COL27A1: variants seen among roughly 807,000 people sequenced by gnomAD.
COL27A1 encodes the protein collagen type XXVII alpha 1 chain.
In COL27A1, 106 loss-of-function variants were observed where a neutral mutation model predicts 251.3. The observed-to-expected ratio is 0.42, with a 90% CI of 0.36 to 0.50. COL27A1 has a LOEUF of 0.50. Among genes scored for constraint, COL27A1 ranks in the 20% least tolerant of loss-of-function variants. The probability of loss-of-function intolerance (pLI) is 0.00; values close to 1 mark genes in which losing one functional copy is unlikely to be tolerated. For missense variants in COL27A1, 2,325 were observed against 2,522.8 expected, an observed-to-expected ratio of 0.92 and a Z score of 1.68; for synonymous variants, 1,000 against 986.3, an observed-to-expected ratio of 1.01 and a Z score of -0.26.
chr9:114,239,586 T>C (rs1354699224), intron 19 of COL27A1, among the ~76,000 whole-genome samples: 1 of 151,990 alleles, frequency 6.6e-6, no homozygotes, highest in African/African-American at 2.4e-5. Context: ...AGCACGAGGA[T>C]ATTGCAGGGA....
rs116910921 is a variant in COL27A1, at chr9:114,302,881, C to T, written c.4872+773C>T. Among the ~76,000 whole-genome samples, 283 of 152,226 alleles carry T rather than the reference C, an allele frequency of 1.9e-3. 4 individuals carry two copies. The highest frequency in any genetic ancestry group is 9.0e-4 in the Non-Finnish European group (61 of 68,008). ...ATTGTACTATTGCACGGTGGCTACA[C>T]GACTATTACCATCAGGCCCCAACAG... is the stretch of plus-strand genomic sequence containing the variant. On this transcript the variant is annotated intron_variant, in intron 56 of 60. Coordinates refer to ENST00000356083, the MANE Select transcript of COL27A1 (RefSeq NM_032888.4).
rs750987346 is a variant in COL27A1, at chr9:114,289,283, G to A, written c.4194G>A (p.Ser1398=). ...GGGGGTGGCCGGGACCCAAAGGATCGAAAGGCGCAGAGGTAAGAGGGCCGG... is the reference window on the plus strand; with the variant it reads ...GGGGGTGGCCGGGACCCAAAGGATCAAAAGGCGCAGAGGTAAGAGGGCCGG... The part of the protein sequence containing the change: ...GPRGWPGPKG[S]KGAEGPKGKQ... Residue 1398 remains serine, a synonymous_variant, in exon 45 of 61, where the codon TCG becomes TCA. Coordinates refer to ENST00000356083, the MANE Select transcript of COL27A1 (RefSeq NM_032888.4). 4.4e-6 allele frequency: 7 copies of A among 1,592,186 alleles called. No homozygotes were observed. The highest frequency in any genetic ancestry group is 2.7e-5 in the African/African-American group (2 of 74,328).
chr9:114,282,421 G>T (rs776991285), intron 38 of COL27A1, 36 bp from the exon 39 acceptor site: 2 of 1,605,608 alleles, frequency 1.2e-6, no homozygotes, highest in African/African-American at 1.3e-5. Context: ...CCGTCCTGTT[G>T]GGCCTGGTGA....
chr9:114,274,575 C>T (rs900583779), intron 36 of COL27A1, among the ~76,000 whole-genome samples: 2 of 152,196 alleles, frequency 1.3e-5, no homozygotes, highest in Non-Finnish European at 1.5e-5. Flanking sequence ...TTAGCTCCAT[C>T]CACTCCCCAG....
At chr9:114,302,276 GAACGA>G (rs1828703286) in intron 56 of COL27A1, among the ~76,000 whole-genome samples, 168 bp downstream of exon 56, 1 of 152,240 alleles carries the variant, frequency 6.6e-6, no homozygotes, top group South Asian at 2.1e-4. Context: ...GGAAGCAACA[GAACGA>G]GCCCTGGGCC....
rs1849104864 is a variant in COL27A1 at position 114,168,964 on chromosome 9, A to C, written c.1409A>C (p.Lys470Thr). 5.0e-6 allele frequency: 8 copies of C among 1,614,090 alleles called. No individual in the cohort carries two copies. Among genetic ancestry groups the C allele is most frequent in the Non-Finnish European group, 5.9e-6 (7 of 1,180,016 alleles). Reference sequence around the variant, plus strand: ...GCCAAGATAACCAGCCATGCCAGTAAGCCGGCCTCTGCCCGCACCAGCACC... The same window carrying C: ...GCCAAGATAACCAGCCATGCCAGTACGCCGGCCTCTGCCCGCACCAGCACC... ...TEAKITSHAS[K>T]PASARTSTHK... The change falls in exon 3 of 61, where the codon AAG becomes ACG. Residue 470 changes from lysine (K) to threonine (T), a missense_variant. Physicochemically the swap from Lys to Thr is moderately conservative, Grantham distance 78. Transcript: ENST00000356083.
intron 41 of COL27A1, among the ~76,000 whole-genome samples, chr9:114,286,923 G>A (rs907985156): frequency 6.6e-6 from 1 of 152,152 alleles, no homozygotes; most frequent in African/African-American, 2.4e-5. Context: ...TTACTGTGCA[G>A]ATCGGATGAA....
intron 16 of COL27A1, among the ~76,000 whole-genome samples, chr9:114,232,351 G>A (rs1232725401): frequency 6.6e-6 from 1 of 152,194 alleles, no homozygotes; most frequent in Non-Finnish European, 1.5e-5. Context: ...CCCTTGCCAT[G>A]TATCCTCTGT....
At chr9:114,263,898 A>G (rs1371129974) in intron 28 of COL27A1, among the ~76,000 whole-genome samples, 1 of 152,200 alleles carries the variant, frequency 6.6e-6, no homozygotes, top group African/African-American at 2.4e-5. Context: ...AAGGACATGC[A>G]GGTTCTTCCC....
At chr9:114,264,866 T>C (rs1473414138) in intron 29 of COL27A1, 58 bp from the exon 30 acceptor site, 27 of 1,553,214 alleles carry the variant, frequency 1.7e-5, no homozygotes, top group Non-Finnish European at 2.3e-5. Flanking sequence ...GGGTCCCTTT[T>C]TGGGGAACGG....
At chr9:114,208,278 A>T (rs1429199540) in intron 10 of COL27A1, among the ~76,000 whole-genome samples, 1 of 152,086 alleles carries the variant, frequency 6.6e-6, no homozygotes, top group East Asian at 1.9e-4. Flanking sequence ...TCTCTACTAA[A>T]GTAACTACAA....
In COL27A1 at chr9:114,300,134, C is replaced by G; in HGVS notation, c.4638+11C>G. 6.2e-7 allele frequency: 1 copy of G among 1,613,556 alleles called. No individual in the cohort carries two copies. On this transcript the variant is annotated intron_variant, in intron 50 of 60. Coordinates refer to ENST00000356083, the MANE Select transcript of COL27A1 (RefSeq NM_032888.4). Reference sequence around the variant, plus strand: ...CTCTTCGGACCCAAGGTATGGACTCCCACGGCTCACTGTTCCTGTGGGGTC... The same window carrying G: ...CTCTTCGGACCCAAGGTATGGACTCGCACGGCTCACTGTTCCTGTGGGGTC...
At chr9:114,307,519 G>C in intron 58 of COL27A1, 150 bp from the exon 59 acceptor site, 1 of 643,924 alleles carries the variant, frequency 1.6e-6, no homozygotes, top group South Asian at 1.8e-5. Context: ...CTTCCATCTC[G>C]GTTGGAGGAA....
chr9:114,300,010 G>T (rs1199275534), intron 49 of COL27A1, 60 bp from the exon 50 acceptor site: 2 of 1,558,068 alleles, frequency 1.3e-6, no homozygotes, highest in Non-Finnish European at 1.8e-6. Flanking sequence ...GTCCCAGGTG[G>T]CTGGCGGGAC....
At chr9:114,214,598 A>G (rs1830592931) in intron 12 of COL27A1, among the ~76,000 whole-genome samples, 1 of 152,198 alleles carries the variant, frequency 6.6e-6, no homozygotes, top group Non-Finnish European at 1.5e-5. Context: ...TAGCCCAGGG[A>G]GGGCAAGACA....
rs761107441 is a variant in COL27A1, at chr9:114,290,393, C to G, written c.4368+62C>G. 7.1e-7 allele frequency: 1 copy of G among 1,411,088 alleles called. No individual in the cohort carries two copies. Among genetic ancestry groups the G allele is most frequent in the African/African-American group, 1.4e-5 (1 of 70,380 alleles). The allele number at this position is 1,411,088 out of a possible 1,614,324, so 87.4% of individuals were successfully genotyped here. ...TTTGGGACCAGGTGTAGGGGAACTTCCCCAGGCCATGGGCCAGAGGAGCCC... is the reference window on the plus strand; with the variant it reads ...TTTGGGACCAGGTGTAGGGGAACTTGCCCAGGCCATGGGCCAGAGGAGCCC... On this transcript the variant is annotated intron_variant, in intron 47 of 60. Transcript: ENST00000356083. The surrounding 1 kb of genome is among the most constrained non-coding windows in gnomAD (Gnocchi z 4.6).
rs745396604 is a variant in COL27A1, at chr9:114,206,265, C to G, written c.2237C>G (p.Pro746Arg). 2.5e-6 allele frequency: 4 copies of G among 1,614,150 alleles called. No individual in the cohort carries two copies. Among genetic ancestry groups the G allele is most frequent in the Admixed American group, 1.7e-5 (1 of 60,026 alleles). Residue 746 changes from proline to arginine, a missense_variant, in exon 10 of 61, where the codon CCG becomes CGG. By Grantham distance (103) the Pro-to-Arg change is moderately radical. This residue lies in a region of COL27A1 where 1,183 missense variants were observed against 1,144.1 expected (regional missense o/e 1.03). Coordinates refer to ENST00000356083, the MANE Select transcript of COL27A1 (RefSeq NM_032888.4). ...TTTGTGTTTCAGGGGTTACCTGGACCGGTAGGAGATCCCGGCCCCAAAGGC... is the reference window on the plus strand; with the variant it reads ...TTTGTGTTTCAGGGGTTACCTGGACGGGTAGGAGATCCCGGCCCCAAAGGC... ...GYPGRQGLPG[P>R]VGDPGPKGSR...
chr9:114,308,240 C>T (rs1279101448), intron 59 of COL27A1, among the ~76,000 whole-genome samples: 1 of 152,210 alleles, frequency 6.6e-6, no homozygotes, highest in Non-Finnish European at 1.5e-5. Flanking sequence ...CACTCAACAA[C>T]AAACCAAGGC....
intron 34 of COL27A1, among the ~76,000 whole-genome samples, chr9:114,268,235 C>T (rs1340578078): frequency 1.3e-5 from 2 of 151,952 alleles, no homozygotes; most frequent in South Asian, 2.1e-4. Flanking sequence ...CTCTGCCCTC[C>T]TCCTGTGCCC....
Sources: gnomAD v4.1 joint callset for allele counts (sites outside exome capture counted in the v4.1 genomes callset) on GRCh38, gnomAD v4.1.1 for gene constraint, gnomAD v4.1.1 regional missense constraint, Gnocchi (gnomAD v3.1) non-coding constraint, MANE v1.5 for transcripts, NCBI Gene and HGNC (gene_info 2026-07-23, HGNC 2026-07-21) for gene names.